Variants in TRIM33 observed in about 807,000 individuals in gnomAD.
TRIM33 encodes the protein tripartite motif containing 33.
In TRIM33, 20 loss-of-function variants were observed where a neutral mutation model predicts 125.4. The ratio of observed to expected loss-of-function variants is 0.16; its 90% CI spans 0.11 to 0.23. TRIM33 has a LOEUF of 0.23. Ranked by LOEUF, TRIM33 falls within the 10% of genes least tolerant of loss-of-function variation. The pLI, the probability that TRIM33 is intolerant of heterozygous loss-of-function variation, is 1.00. For missense variants in TRIM33, 920 were observed against 1,411.4 expected, an observed-to-expected ratio of 0.65 and a Z score of 5.58; for synonymous variants, 564 against 513.9, an observed-to-expected ratio of 1.10 and a Z score of -1.32.
At chr1:114,475,256 T>C (rs1418855892) in intron 1 of TRIM33, among the ~76,000 whole-genome samples, 1 of 152,182 alleles carries the variant, frequency 6.6e-6, no homozygotes, top group African/African-American at 2.4e-5. Flanking sequence ...TAAGAACTAA[T>C]GATCAAGTTT....
chr1:114,410,316 A>C lies in TRIM33; in HGVS notation c.2062T>G (p.Leu688Val), dbSNP rs1327098104. 1 of 1,605,392 alleles carries C rather than the reference A, an allele frequency of 6.2e-7. No homozygotes were observed. The highest frequency in any genetic ancestry group is 8.5e-7 in the Non-Finnish European group (1 of 1,177,846). Residue 688 changes from leucine to valine, a missense_variant and splice_region_variant, in exon 12 of 20, where the codon TTG (leucine) becomes GTG (valine). This residue lies in a region of TRIM33 where 407 missense variants were observed against 589.7 expected (regional missense o/e 0.69). Coordinates refer to ENST00000358465, the MANE Select transcript of TRIM33 (RefSeq NM_015906.4). ...PSLPDIPPIQLEDAGSSSLDN... is the reference protein window; with the variant it reads ...PSLPDIPPIQVEDAGSSSLDN... The stretch of plus-strand genomic sequence containing the variant: ...AAACTACTTGAGCCAGCATCTTCCA[A>C]CTGAAGAGAAAGAAGATAAAGACAA...
intron 11 of TRIM33, among the ~76,000 whole-genome samples, chr1:114,420,082 A>G (rs1285287698): frequency 6.6e-6 from 1 of 152,254 alleles, no homozygotes; most frequent in Admixed American, 6.5e-5. Context: ...CATACAATGC[A>G]TAAAACTAAA....
chr1:114,493,073 T>C (rs1652164525), intron 1 of TRIM33, among the ~76,000 whole-genome samples: 4 of 152,186 alleles, frequency 2.6e-5, no homozygotes, highest in Admixed American at 2.6e-4. Context: ...CACTTTGTTG[T>C]TTTTTAACTA....
intron 12 of TRIM33, among the ~76,000 whole-genome samples, chr1:114,409,292 G>A (rs576455742): frequency 6.6e-6 from 1 of 152,256 alleles, no homozygotes; most frequent in African/African-American, 2.4e-5. Flanking sequence ...ATGTATTCAA[G>A]AGTCCCAATT....
chr1:114,433,613 T>C lies in TRIM33; in HGVS notation c.1040+4A>G. ...AAATTATGGTTTTAAGGCAACAAAC[T>C]TACCTATTCTGCACCTGAGTAGCTG... On this transcript the variant is annotated splice_donor_region_variant and intron_variant, in intron 5 of 19. Transcript: ENST00000358465. 6.4e-7 allele frequency: 1 copy of C among 1,561,836 alleles called. No individual in the cohort carries two copies. Among genetic ancestry groups the C allele is most frequent in the East Asian group, 2.3e-5 (1 of 44,428 alleles).
intron 1 of TRIM33, among the ~76,000 whole-genome samples, chr1:114,505,625 T>G (rs1244948434): frequency 6.6e-6 from 1 of 152,226 alleles, no homozygotes; most frequent in Non-Finnish European, 1.5e-5. Context: ...TGGAGTGCAG[T>G]GGCGTGATCT....
chr1:114,478,825 A>T (rs1651128267), intron 1 of TRIM33, among the ~76,000 whole-genome samples: 1 of 152,214 alleles, frequency 6.6e-6, no homozygotes, highest in South Asian at 2.1e-4. Context: ...AGGTAGGTGG[A>T]TCGCCTGAGG....
intron 4 of TRIM33, among the ~76,000 whole-genome samples, chr1:114,434,172 C>T (rs555554703): frequency 6.0e-4 from 92 of 152,154 alleles, no homozygotes; most frequent in Admixed American, 2.2e-3. Context: ...TATACATGTA[C>T]TTATTTACTT....
chr1:114,445,100 A>G (rs978069328), intron 4 of TRIM33, among the ~76,000 whole-genome samples: 1 of 152,230 alleles, frequency 6.6e-6, no homozygotes, highest in Non-Finnish European at 1.5e-5. Context: ...GACCATCAAC[A>G]CACATCAATA....
At chr1:114,432,262 C>T (rs1005459893) in intron 5 of TRIM33, among the ~76,000 whole-genome samples, 65 of 152,266 alleles carry the variant, frequency 4.3e-4, no homozygotes, top group Non-Finnish European at 7.4e-4. Flanking sequence ...ACACACAAAA[C>T]ATCTGTATAA....
chr1:114,508,548 C>T (rs1307693043), intron 1 of TRIM33, among the ~76,000 whole-genome samples: 2 of 152,136 alleles, frequency 1.3e-5, no homozygotes, highest in African/African-American at 2.4e-5. Flanking sequence ...CCTACATGTA[C>T]CAATAATGCT....
Position 114,510,803 on chromosome 1 carries a change from C to T in TRIM33, c.274G>A (p.Gly92Ser). Residue 92 changes from glycine to serine, a missense_variant, in exon 1 of 20, where the codon GGC (glycine) becomes AGC (serine). By Grantham distance (56) the Gly-to-Ser change is moderately conservative (BLOSUM62 0). Transcript: ENST00000358465. ...AASVGTGVAG[G>S]AVSTPAPAPA... ...GCTGGAGCCGGCGTCGATACTGCGCCCCCGGCAACTCCAGTGCCCACTGAG... is the reference window on the plus strand; with the variant it reads ...GCTGGAGCCGGCGTCGATACTGCGCTCCCGGCAACTCCAGTGCCCACTGAG... 7 of 1,519,540 alleles carry T rather than the reference C, an allele frequency of 4.6e-6. No individual in the cohort carries two copies. Among genetic ancestry groups the T allele is most frequent in the Non-Finnish European group, 6.1e-6 (7 of 1,139,778 alleles). 94.1% of individuals were successfully genotyped at this position (1,519,540 alleles called of 1,614,324 possible). A position where few individuals can be genotyped will look rare whatever the true frequency, so the allele number is the denominator to read the frequency against.
At chr1:114,496,229 A>G (rs1416288158) in intron 1 of TRIM33, among the ~76,000 whole-genome samples, 1 of 152,262 alleles carries the variant, frequency 6.6e-6, no homozygotes, top group Non-Finnish European at 1.5e-5. Context: ...TGTGAGGGAT[A>G]GTATTTAAGC....
At chr1:114,441,275 G>A (rs1021374141) in intron 4 of TRIM33, among the ~76,000 whole-genome samples, 5 of 152,212 alleles carry the variant, frequency 3.3e-5, no homozygotes, top group African/African-American at 1.2e-4. Flanking sequence ...CAGCCTTGGT[G>A]ACAGAGTGAG....
chr1:114,405,724 G>C lies in TRIM33; in HGVS notation c.2454C>G (p.Leu818=). 3 of 1,614,102 alleles carry C rather than the reference G, an allele frequency of 1.9e-6. No homozygotes were observed. The highest frequency in any genetic ancestry group is 2.5e-6 in the Non-Finnish European group (3 of 1,179,980). Residue 818 remains leucine, a synonymous_variant, in exon 15 of 20, where the codon CTC becomes CTG. Transcript: ENST00000358465. ...SSPESSLTPP[L]STNLHLESEL... ...CACTTTCTAGATGCAGGTTGGTTGA[G>C]AGAGGTGGTGTCAAGCTACTCTCAG... is the stretch of plus-strand genomic sequence containing the variant.
intron 1 of TRIM33, among the ~76,000 whole-genome samples, chr1:114,472,975 C>T (rs142112326): frequency 3.3e-5 from 5 of 151,774 alleles, no homozygotes; most frequent in South Asian, 2.1e-4. Flanking sequence ...GTTTTGGTGC[C>T]GCAAAAGAAA....
chr1:114,437,573 A>G (rs1327867272), intron 4 of TRIM33, among the ~76,000 whole-genome samples: 1 of 152,144 alleles, frequency 6.6e-6, no homozygotes, highest in Non-Finnish European at 1.5e-5. Context: ...TCTTGACCTC[A>G]TGATCCACCC....
chr1:114,501,189 CAAAAAAAAAAA>C lies in TRIM33; in HGVS notation c.526+9351_526+9361del, dbSNP rs775867907. Among the ~76,000 whole-genome samples, 4 of 23,184 alleles carry C rather than the reference CAAAAAAAAAAA, an allele frequency of 1.7e-4. 2 individuals are homozygous for C. The highest frequency in any genetic ancestry group is 3.4e-4 in the Non-Finnish European group (4 of 11,686). 15.2% of individuals were successfully genotyped at this position (23,184 alleles called of 152,430 possible). A position where few individuals can be genotyped will look rare whatever the true frequency, so the allele number is the denominator to read the frequency against. On this transcript the variant is annotated intron_variant, in intron 1 of 19. Transcript: ENST00000358465. ...TGGGCGACAGAGCGAGACTCCGTCTCAAAAAAAAAAAAAAAAAAAAAAAGAATTTGGGAGGG... is the reference window on the plus strand; with the variant it reads ...TGGGCGACAGAGCGAGACTCCGTCTCAAAAAAAAAAAAGAATTTGGGAGGG...
Position 114,511,121 on chromosome 1 carries a change from C to A in TRIM33, c.-45G>T. On this transcript the variant is annotated 5_prime_UTR_variant, in exon 1 of 20. Coordinates refer to ENST00000358465, the MANE Select transcript of TRIM33 (RefSeq NM_015906.4). ...CCGGACCGCCCCGCGCCGCCCGCCGCCCGCGTCGCCGCCGCCGCCGCCCCC... is the reference window on the plus strand; with the variant it reads ...CCGGACCGCCCCGCGCCGCCCGCCGACCGCGTCGCCGCCGCCGCCGCCCCC... 1 of 1,120,934 alleles carries A rather than the reference C, an allele frequency of 8.9e-7. No homozygotes were observed. The highest frequency in any genetic ancestry group is 1.1e-6 in the Non-Finnish European group (1 of 920,526). 69.4% of individuals were successfully genotyped at this position (1,120,934 alleles called of 1,614,324 possible).
Sources: gnomAD v4.1 joint callset for allele counts (sites outside exome capture counted in the v4.1 genomes callset) on GRCh38, gnomAD v4.1.1 for gene constraint, gnomAD v4.1.1 regional missense constraint, MANE v1.5 for transcripts, NCBI Gene and HGNC (gene_info 2026-07-23, HGNC 2026-07-21) for gene names.